LRP1B: variants seen among roughly 807,000 people sequenced by gnomAD.
LRP1B encodes the protein low-density lipoprotein receptor-related protein 1B.
Under a neutral mutation model 556.6 loss-of-function variants are expected in LRP1B, and 217 were observed. The observed-to-expected ratio is 0.39, with a 90% confidence interval of 0.35 to 0.44. The LOEUF is 0.44. LRP1B is among the 20% of genes least tolerant of loss of function. The probability of loss-of-function intolerance (pLI) is 1.00; values close to 1 mark genes in which losing one functional copy is unlikely to be tolerated. For missense variants in LRP1B, 5,053 were observed against 5,620.8 expected (o/e 0.90, Z 3.23); for synonymous variants, 2,047 against 1,865.8 (o/e 1.10, Z -2.50).
intron 1 of LRP1B, among the ~76,000 whole-genome samples, chr2:141,996,770 C>T (rs190149834): frequency 1.1e-4 from 16 of 147,214 alleles, no homozygotes; most frequent in Middle Eastern, 3.5e-3. Flanking sequence ...TCCAAGGATT[C>T]GCTCAAATAG....
chr2:142,125,405 C>G (rs1707605790), intron 1 of LRP1B, among the ~76,000 whole-genome samples: 1 of 151,702 alleles, frequency 6.6e-6, no homozygotes, highest in Admixed American at 6.6e-5. Context: ...AGATTCAATA[C>G]TATTGCAAGT....
At chr2:140,659,557 G>A (rs969794673) in intron 41 of LRP1B, among the ~76,000 whole-genome samples, 2 of 151,876 alleles carry the variant, frequency 1.3e-5, no homozygotes, top group Admixed American at 6.6e-5. Context: ...TGGCTTCAGT[G>A]GACTTATATT....
chr2:142,118,360 A>T (rs1010673818), intron 1 of LRP1B, among the ~76,000 whole-genome samples: 5 of 152,084 alleles, frequency 3.3e-5, no homozygotes, highest in Non-Finnish European at 7.4e-5. Flanking sequence ...TTTTTTACTT[A>T]AGTGATTTTC....
At chr2:142,120,937 C>T (rs1707436423) in intron 1 of LRP1B, among the ~76,000 whole-genome samples, 1 of 152,054 alleles carries the variant, frequency 6.6e-6, no homozygotes, top group African/African-American at 2.4e-5. Flanking sequence ...TTATTGTGAA[C>T]CATGTTTTAC....
At chr2:141,918,412 T>C (rs535680236) in intron 1 of LRP1B, among the ~76,000 whole-genome samples, 7 of 152,228 alleles carry the variant, frequency 4.6e-5, no homozygotes, top group Non-Finnish European at 1.0e-4. Flanking sequence ...AGCTATTTCA[T>C]CCTAATCTTT....
chr2:140,410,214 CT>C (rs557653087), intron 66 of LRP1B, among the ~76,000 whole-genome samples: 3 of 152,078 alleles, frequency 2.0e-5, no homozygotes, highest in Non-Finnish European at 1.5e-5. Flanking sequence ...CTCCTTCTCT[CT>C]TTTTTTAATC....
chr2:141,146,934 T>C (rs1442764904), intron 7 of LRP1B, among the ~76,000 whole-genome samples: 2 of 152,156 alleles, frequency 1.3e-5, no homozygotes, highest in Non-Finnish European at 2.9e-5. Flanking sequence ...AAAGATCCTT[T>C]GTTCTGTTCT....
At chr2:140,733,248 A>G (rs992769493) in intron 35 of LRP1B, among the ~76,000 whole-genome samples, 3 of 152,116 alleles carry the variant, frequency 2.0e-5, no homozygotes, top group African/African-American at 7.2e-5. Context: ...TTTCCTTAAA[A>G]CACATATGAG....
At chr2:141,850,753 C>T (rs1697822829) in intron 1 of LRP1B, among the ~76,000 whole-genome samples, 1 of 151,212 alleles carries the variant, frequency 6.6e-6, no homozygotes, top group Non-Finnish European at 1.5e-5. Context: ...AAGAGGCATC[C>T]ATTGCATACC....
intron 43 of LRP1B, among the ~76,000 whole-genome samples, chr2:140,544,186 CA>C (rs1680240057): frequency 1.9e-5 from 1 of 52,126 alleles, no homozygotes; most frequent in African/African-American, 4.6e-5. Context: ...ATTTGTATCA[CA>C]GGGGTATTAA....
chr2:141,986,373 A>G (rs1702186966), intron 1 of LRP1B, among the ~76,000 whole-genome samples: 1 of 151,966 alleles, frequency 6.6e-6, no homozygotes, highest in South Asian at 2.1e-4. Flanking sequence ...TGAATGGCCA[A>G]TGTAAATACA....
chr2:141,025,957 T>C (rs1010984304), intron 11 of LRP1B, among the ~76,000 whole-genome samples: 1 of 152,076 alleles, frequency 6.6e-6, no homozygotes, highest in African/African-American at 2.4e-5. Flanking sequence ...GCAAGGGGCA[T>C]ATAGATCATT....
At chr2:141,688,009 T>G (rs1455600607) in intron 2 of LRP1B, among the ~76,000 whole-genome samples, 1 of 117,462 alleles carries the variant, frequency 8.5e-6, no homozygotes, top group African/African-American at 3.9e-5. Context: ...TTATGATTTT[T>G]GAAAAAAAAA....
intron 3 of LRP1B, among the ~76,000 whole-genome samples, chr2:141,319,436 T>G (rs1218697608): frequency 1.3e-5 from 2 of 151,902 alleles, no homozygotes; most frequent in Non-Finnish European, 2.9e-5. Context: ...TGAGACAATT[T>G]TTTTTAAGCA....
At chr2:140,937,402 G>T (rs1164928847) in intron 20 of LRP1B, among the ~76,000 whole-genome samples, 1 of 152,066 alleles carries the variant, frequency 6.6e-6, no homozygotes, top group African/African-American at 2.4e-5. Context: ...GTTATAAAAA[G>T]CATAGACACA....
intron 2 of LRP1B, among the ~76,000 whole-genome samples, chr2:141,673,981 T>G (rs1690777748): frequency 6.6e-6 from 1 of 152,132 alleles, no homozygotes; most frequent in Non-Finnish European, 1.5e-5. Flanking sequence ...TGAAGCAGAA[T>G]GTAGCAAATG....
chr2:142,050,976 G>A (rs2105231396), intron 1 of LRP1B, among the ~76,000 whole-genome samples: 2 of 152,248 alleles, frequency 1.3e-5, no homozygotes, highest in Admixed American at 6.5e-5. Flanking sequence ...TTACAGTCCT[G>A]AGAAATATAA....
At chr2:140,682,659 T>C (rs1685899111) in intron 41 of LRP1B, among the ~76,000 whole-genome samples, 1 of 138,994 alleles carries the variant, frequency 7.2e-6, no homozygotes, top group Non-Finnish European at 1.5e-5. Context: ...CACTTTTCTC[T>C]AGCTTGAGAG....
intron 23 of LRP1B, among the ~76,000 whole-genome samples, chr2:140,901,101 G>A (rs1038403414): frequency 6.6e-6 from 1 of 152,132 alleles, no homozygotes; most frequent in African/African-American, 2.4e-5. Flanking sequence ...TATAGGTTAT[G>A]TGGAGGCCTG....
Sources: gnomAD v4.1 joint callset for allele counts (sites outside exome capture counted in the v4.1 genomes callset) on GRCh38, gnomAD v4.1.1 for gene constraint, MANE v1.5 for transcripts, NCBI Gene and HGNC (gene_info 2026-07-23, HGNC 2026-07-21) for gene names.